The following PDE4A variants were observed in gnomAD, a reference collection of about 807,000 sequenced individuals.
PDE4A encodes 3',5'-cyclic-AMP phosphodiesterase 4A.
Under a neutral mutation model 73.9 loss-of-function variants are expected in PDE4A, and 21 were observed. The observed-to-expected ratio is 0.28, with a 90% CI of 0.20 to 0.41. The LOEUF is 0.41. Among genes scored for constraint, PDE4A ranks in the 10% least tolerant of loss-of-function variants. The pLI is 1.00. For missense variants in PDE4A, 958 were observed against 1,211.4 expected, an observed-to-expected ratio of 0.79 and a Z score of 3.10; for synonymous variants, 463 against 505.4, an observed-to-expected ratio of 0.92 and a Z score of 1.13.
intron 1 of PDE4A, among the ~76,000 whole-genome samples, chr19:10,442,564 C>T (rs941179960): frequency 7.2e-5 from 11 of 151,808 alleles, no homozygotes; most frequent in Admixed American, 4.6e-4. Flanking sequence ...TAAGAAGACA[C>T]GCTTTAGGCA....
At chr19:10,425,831 C>T (rs1048164571) in intron 1 of PDE4A, among the ~76,000 whole-genome samples, 2 of 151,214 alleles carry the variant, frequency 1.3e-5, no homozygotes, top group African/African-American at 4.9e-5. Context: ...ACTAAAAATA[C>T]AAAAATTAGC....
intron 1 of PDE4A, among the ~76,000 whole-genome samples, chr19:10,435,065 G>A (rs977438338): frequency 5.3e-5 from 8 of 151,914 alleles, no homozygotes; most frequent in South Asian, 4.2e-4. Flanking sequence ...CAATGTGTTC[G>A]TTTCCCCCGC....
chr19:10,417,626 G>A (rs1468103104), upstream of PDE4A: 1 of 1,556,284 alleles, frequency 6.4e-7, no homozygotes. Context: ...TTCCCAGCCA[G>A]GCCACGCCCC....
chr19:10,430,050 G>T (rs753205718), intron 1 of PDE4A, among the ~76,000 whole-genome samples: 2 of 152,004 alleles, frequency 1.3e-5, no homozygotes, highest in Non-Finnish European at 2.9e-5. Context: ...GATTCTGGGG[G>T]TACTGAGGGA....
intron 1 of PDE4A, among the ~76,000 whole-genome samples, chr19:10,439,446 T>C (rs746204689): frequency 1.1e-4 from 17 of 152,122 alleles, no homozygotes; most frequent in Non-Finnish European, 2.4e-4. Context: ...CCTCCCAAAA[T>C]GCTGGGATTA....
At chr19:10,431,757 G>C (rs1306057897) in intron 1 of PDE4A, among the ~76,000 whole-genome samples, 1 of 151,952 alleles carries the variant, frequency 6.6e-6, no homozygotes, top group Non-Finnish European at 1.5e-5. Flanking sequence ...CGGGCCCAGC[G>C]ACTGGCCCCA....
At chr19:10,454,606 G>T in intron 6 of PDE4A, 1 of 239,742 alleles carries the variant, frequency 4.2e-6, no homozygotes, top group Non-Finnish European at 6.7e-6. Context: ...GGCAGGGAGG[G>T]TTATGCTGAC....
upstream of PDE4A, chr19:10,417,582 G>GGGT: frequency 6.7e-7 from 1 of 1,496,338 alleles, no homozygotes; most frequent in Non-Finnish European, 8.9e-7. Context: ...TAGACAGCTA[G>GGGT]GTAGGGGTGT....
chr19:10,452,894 C>A, intron 6 of PDE4A: 11 of 854,372 alleles, frequency 1.3e-5, no homozygotes, highest in Non-Finnish European at 1.6e-5. Context: ...CACCTGACAT[C>A]CCATGCAGCC....
At chr19:10,425,649 G>T (rs1424045972) in intron 1 of PDE4A, among the ~76,000 whole-genome samples, 2 of 152,186 alleles carry the variant, frequency 1.3e-5, no homozygotes, top group African/African-American at 4.8e-5. Context: ...GAACAGAATT[G>T]TGAGGGCATC....
intron 1 of PDE4A, among the ~76,000 whole-genome samples, chr19:10,437,495 C>T (rs747368000): frequency 3.3e-5 from 5 of 152,006 alleles, no homozygotes; most frequent in Non-Finnish European, 5.9e-5. Context: ...TCACAGCTCA[C>T]TGCAGCCTCC....
chr19:10,460,876 C>T (rs1021701937), intron 10 of PDE4A, 128 bp from the exon 11 acceptor site: 3 of 916,228 alleles, frequency 3.3e-6, no homozygotes, highest in Admixed American at 3.0e-5. Flanking sequence ...CCTCGAACTT[C>T]TGGCCTTGAA....
intron 1 of PDE4A, among the ~76,000 whole-genome samples, chr19:10,442,932 A>C (rs2042957506): frequency 1.3e-5 from 2 of 151,078 alleles, no homozygotes; most frequent in South Asian, 4.1e-4. Flanking sequence ...ATATAATACT[A>C]GCAATATTGC....
At position 10,467,153 on chromosome 19, in the gene PDE4A, A is replaced by G; in HGVS notation, c.2193A>G (p.Gln731=). The G allele has an allele frequency of 1.9e-6, 3 of 1,614,210 alleles. No individual in the cohort carries two copies. The highest frequency in any genetic ancestry group is 2.5e-6 in the Non-Finnish European group (3 of 1,180,034). The change falls in exon 15 of 15, where the codon CAA becomes CAG. Residue 731 remains glutamine, a synonymous_variant. Transcript: ENST00000380702. The part of the protein sequence containing the change: ...ISMAQIPCTA[Q]EALTAQGLSG... The stretch of plus-strand genomic sequence containing the variant: ...TGGCCCAGATACCGTGCACAGCCCA[A>G]GAGGCATTGACTGCGCAGGGATTGT...
upstream of PDE4A, chr19:10,419,057 T>A: frequency 5.4e-4 from 85 of 158,344 alleles, no homozygotes; most frequent in Non-Finnish European, 6.3e-4. Flanking sequence ...ACCGGCAGTC[T>A]TTTTTTTTTT....
Position 10,420,598 on chromosome 19 carries a change from CG to C in PDE4A, c.-162del. On this transcript the variant is annotated 5_prime_UTR_variant, in exon 1 of 15. Transcript: ENST00000380702. The surrounding 1 kb of genome is among the most constrained non-coding windows in gnomAD (Gnocchi z 6.0). ...CGAAAGGAAGCTGCAGAGCCCGGCCCGGGGGCGATTGGCCCGCAGCGCCCCC... is the reference window on the plus strand; with the variant it reads ...CGAAAGGAAGCTGCAGAGCCCGGCCCGGGGCGATTGGCCCGCAGCGCCCCC... 2.3e-6 allele frequency: 3 copies of C among 1,293,254 alleles called. No homozygotes were observed. Among genetic ancestry groups the C allele is most frequent in the Non-Finnish European group, 2.9e-6 (3 of 1,025,300 alleles). 80.1% of individuals were successfully genotyped at this position (1,293,254 alleles called of 1,614,324 possible).
intron 2 of PDE4A, among the ~76,000 whole-genome samples, chr19:10,448,248 C>G (rs1206745755): frequency 1.3e-5 from 2 of 151,644 alleles, no homozygotes; most frequent in Non-Finnish European, 2.9e-5. Flanking sequence ...TACAGGCGTG[C>G]GTCACCACAC....
intron 7 of PDE4A, among the ~76,000 whole-genome samples, chr19:10,456,201 G>C (rs1599445036): frequency 6.6e-6 from 1 of 150,902 alleles, no homozygotes; most frequent in Non-Finnish European, 1.5e-5. Context: ...GACCAGCCTG[G>C]GCAACATAGT....
intron 1 of PDE4A, among the ~76,000 whole-genome samples, chr19:10,437,825 G>C (rs1352028571): frequency 8.0e-6 from 1 of 124,560 alleles, no homozygotes; most frequent in African/African-American, 3.1e-5. Context: ...TTTTTTTTGA[G>C]ACAGGGTCTC....
Sources: gnomAD v4.1 joint callset for allele counts (sites outside exome capture counted in the v4.1 genomes callset) on GRCh38, gnomAD v4.1.1 for gene constraint, Gnocchi (gnomAD v3.1) non-coding constraint, MANE v1.5 for transcripts, NCBI Gene and HGNC (gene_info 2026-07-23, HGNC 2026-07-21) for gene names.